NDUFAF6: variants seen among roughly 807,000 people sequenced by gnomAD.
The protein encoded by NDUFAF6 is NADH dehydrogenase (ubiquinone) complex I, assembly factor 6.
A neutral mutation model predicts 40.8 loss-of-function variants in NDUFAF6; 45 were observed. That is an observed-to-expected ratio of 1.10 (90% CI 0.87 to 1.42). NDUFAF6 has a LOEUF of 1.42. Among genes scored for constraint, NDUFAF6 ranks in the 40% most tolerant of loss-of-function variants. NDUFAF6 has a pLI of 0.00. For synonymous variants in NDUFAF6, 185 were observed against 155.9 expected, an observed-to-expected ratio of 1.19 and a Z score of -1.39; for missense variants, 435 against 418.5, an observed-to-expected ratio of 1.04 and a Z score of -0.34.
At chr8:94,911,662 C>G (rs1818788929) in intron 1 of NDUFAF6, among the ~76,000 whole-genome samples, 1 of 152,180 alleles carries the variant, frequency 6.6e-6, no homozygotes, top group South Asian at 2.1e-4. Flanking sequence ...TTACCTGGTA[C>G]CTCAGTTATT....
At chr8:94,953,333 G>A (rs1303114272), upstream of NDUFAF6, among the ~76,000 whole-genome samples, 3 of 149,974 alleles carry the variant, frequency 2.0e-5, no homozygotes, top group African/African-American at 5.0e-5. Context: ...GCAACAAGAC[G>A]GAAACTCCAT....
intron 1 of NDUFAF6, among the ~76,000 whole-genome samples, chr8:95,027,918 T>C (rs558071904): frequency 6.6e-6 from 1 of 152,288 alleles, no homozygotes; most frequent in Admixed American, 6.5e-5. Flanking sequence ...ATTTAGGTTT[T>C]TGGGAAAATC....
chr8:94,908,414 T>G (rs1307926798), intron 1 of NDUFAF6, among the ~76,000 whole-genome samples: 3 of 152,208 alleles, frequency 2.0e-5, no homozygotes, highest in Non-Finnish European at 2.9e-5. Flanking sequence ...CTGTTGCCCA[T>G]GCTGGAGTAC....
chr8:95,020,475 G>A (rs919060859), upstream of NDUFAF6, among the ~76,000 whole-genome samples: 1 of 152,160 alleles, frequency 6.6e-6, no homozygotes, highest in Admixed American at 6.5e-5. Context: ...TAAATGAGAA[G>A]GTCCCCATCT....
At chr8:95,100,318 A>G (rs898641160), upstream of NDUFAF6, 21 of 152,264 alleles carry the variant, frequency 1.4e-4, no homozygotes, top group African/African-American at 5.1e-4. Flanking sequence ...AAAGTGAACA[A>G]TTTAACTTGA....
In NDUFAF6 at chr8:95,058,244, T is replaced by C; in HGVS notation, c.*307T>C. On this transcript the variant is annotated 3_prime_UTR_variant, in exon 9 of 9. Coordinates refer to ENST00000396124, the MANE Select transcript of NDUFAF6 (RefSeq NM_152416.4). ...AGGCCATAAGCCACACTTGAGCCAG[T>C]GGGCAGGGAGAAGGAATGTCATTCT... The C allele has an allele frequency of 3.0e-6, 4 of 1,319,936 alleles. No individual in the cohort carries two copies. The highest frequency in any genetic ancestry group is 2.9e-6 in the Non-Finnish European group (3 of 1,040,524). 81.8% of individuals were successfully genotyped at this position (1,319,936 alleles called of 1,614,324 possible). A position where few individuals can be genotyped will look rare whatever the true frequency, so the allele number is the denominator to read the frequency against.
intron 9 of NDUFAF6, among the ~76,000 whole-genome samples, chr8:95,075,112 G>GAT (rs1832991335): frequency 6.6e-6 from 1 of 152,156 alleles, no homozygotes; most frequent in Non-Finnish European, 1.5e-5. Flanking sequence ...GGGTCACAAG[G>GAT]ATCCCATTCA....
At chr8:94,999,112 A>T (rs1025915280) in intron 2 of NDUFAF6, among the ~76,000 whole-genome samples, 2 of 151,612 alleles carry the variant, frequency 1.3e-5, no homozygotes, top group Admixed American at 6.6e-5. Flanking sequence ...TTTTCTACTA[A>T]ATTCCATTCT....
At position 95,058,670 on chromosome 8, in the gene NDUFAF6, GGTATT is replaced by G. The variant is rs1832472142; in HGVS notation, c.*740_*744del. ...GAAAGTTTGTATAAGTGATATGAAC[GGTATT>G]GTATTGAACATCCATTAAAGGGTTG... On this transcript the variant is annotated 3_prime_UTR_variant, in exon 9 of 9. Coordinates refer to ENST00000396124, the MANE Select transcript of NDUFAF6 (RefSeq NM_152416.4). 1.9e-6 allele frequency: 2 copies of G among 1,051,360 alleles called. No homozygotes were observed. The highest frequency in any genetic ancestry group is 2.3e-6 in the Non-Finnish European group (2 of 873,828). The allele number at this position is 1,051,360 out of a possible 1,614,324, so 65.1% of individuals were successfully genotyped here.
chr8:94,930,562 G>T, intron 1 of NDUFAF6: 1 of 1,614,242 alleles, frequency 6.2e-7, no homozygotes, highest in Non-Finnish European at 8.5e-7. Context: ...TCCCTGGTAA[G>T]ATTTTGGCGA....
Position 95,048,480 on chromosome 8 carries a change from TC to T in NDUFAF6, c.739del (p.Leu247TyrfsTer9). ...AGCATGGTGTTTCACAAGAGGACTTTCTACGGAGGAACCAAGATAAAAATGT... is the reference window on the plus strand; with the variant it reads ...AGCATGGTGTTTCACAAGAGGACTTTTACGGAGGAACCAAGATAAAAATGT... ...MLHGVSQEDF[L>X]RRNQDKNVRD... On this transcript the variant is annotated frameshift_variant, in exon 7 of 9. Coordinates refer to ENST00000396124, the MANE Select transcript of NDUFAF6 (RefSeq NM_152416.4). LOFTEE classifies it high-confidence loss of function. 2.5e-6 allele frequency: 4 copies of T among 1,614,060 alleles called. No homozygotes were observed. The highest frequency in any genetic ancestry group is 2.5e-6 in the Non-Finnish European group (3 of 1,179,932).
At chr8:95,039,430 C>A (rs1015102113) in intron 3 of NDUFAF6, among the ~76,000 whole-genome samples, 4 of 150,192 alleles carry the variant, frequency 2.7e-5, no homozygotes, top group Admixed American at 2.7e-4. Flanking sequence ...TCCAGCCTGG[C>A]GACAAAGCGA....
intron 4 of NDUFAF6, among the ~76,000 whole-genome samples, 158 bp downstream of exon 4, chr8:95,041,784 AC>A (rs914779448): frequency 2.0e-5 from 3 of 151,906 alleles, no homozygotes; most frequent in Non-Finnish European, 4.4e-5. Context: ...CTTGCATGCT[AC>A]CCCCCATACC....
intron 1 of NDUFAF6, among the ~76,000 whole-genome samples, chr8:94,897,895 A>G (rs1817754345): frequency 1.3e-5 from 2 of 152,278 alleles, no homozygotes; most frequent in South Asian, 4.1e-4. Flanking sequence ...CATATATAGT[A>G]GGACTTGGGT....
At chr8:94,909,381 AAC>A (rs1491232809) in intron 1 of NDUFAF6, among the ~76,000 whole-genome samples, 95 of 58,592 alleles carry the variant, frequency 1.6e-3, no homozygotes, top group African/African-American at 5.1e-3. Flanking sequence ...AAAAAAAAAA[AAC>A]ACTTCGGGAG....
Position 94,904,320 on chromosome 8 carries a change from C to CTTTTTT in NDUFAF6, c.-936+8425_-936+8430dup, listed in dbSNP as rs57749627. On this transcript the variant is annotated intron_variant, in intron 1 of 14. Coordinates refer to the NDUFAF6 transcript ENST00000396113. Reference sequence around the variant, plus strand: ...CATCACACCTGGCTAATTTTTTTTGCTTTTTTTTTTTTTTTTTTTTTTTTT... The same window carrying CTTTTTT: ...CATCACACCTGGCTAATTTTTTTTGCTTTTTTTTTTTTTTTTTTTTTTTTTTTTTTT... Among the ~76,000 whole-genome samples the CTTTTTT allele has an allele frequency of 2.1e-4, 7 of 34,138 alleles. 2 individuals carry two copies. The highest frequency in any genetic ancestry group is 3.1e-4 in the Admixed American group (1 of 3,234). 22.4% of individuals were successfully genotyped at this position (34,138 alleles called of 152,430 possible).
chr8:95,092,826 G>T (rs997197724), intron 2 of NDUFAF6, among the ~76,000 whole-genome samples: 1 of 152,018 alleles, frequency 6.6e-6, no homozygotes, highest in Non-Finnish European at 1.5e-5. Context: ...CCTCATGATC[G>T]GCCTGCTTTG....
intron 2 of NDUFAF6, among the ~76,000 whole-genome samples, chr8:95,084,083 T>A (rs1484147552): frequency 1.3e-5 from 2 of 152,210 alleles, no homozygotes; most frequent in African/African-American, 4.8e-5. Flanking sequence ...CAATCTGGTA[T>A]GAAAAATTCA....
At chr8:94,938,023 T>C (rs896851) in intron 1 of NDUFAF6, among the ~76,000 whole-genome samples, 94,236 of 152,038 alleles carry the variant, frequency 0.62, 30,291 homozygotes, top group East Asian at 0.79. Flanking sequence ...AGAAAGAAGA[T>C]AAAAGAATGA....
Sources: gnomAD v4.1 joint callset for allele counts (sites outside exome capture counted in the v4.1 genomes callset) on GRCh38, gnomAD v4.1.1 for gene constraint, MANE v1.5 for transcripts, NCBI Gene and HGNC (gene_info 2026-07-23, HGNC 2026-07-21) for gene names.